The following PHF24 variants were observed in gnomAD, a reference collection of about 807,000 sequenced individuals.
PHF24 encodes Galpha inhibitory interacting protein.
PHF24 carries 25 observed loss-of-function variants against 42.6 expected under a neutral mutation model. That is an observed-to-expected ratio of 0.59 (90% CI 0.43 to 0.82). The LOEUF (loss-of-function observed/expected upper bound fraction) is 0.82. PHF24 is among the 40% of genes least tolerant of loss of function. PHF24 has a pLI of 0.00. For missense variants in PHF24, 470 were observed against 538.1 expected (o/e 0.87, Z 1.25); for synonymous variants, 185 against 204.8 (o/e 0.90, Z 0.83).
the PHF24 span, among the ~76,000 whole-genome samples, chr9:34,738,579 C>G: frequency 6.6e-6 from 1 of 152,044 alleles, no homozygotes; most frequent in African/African-American, 2.4e-5. Context: ...ATCTCCTGAC[C>G]TCATGATCCG....
the PHF24 span, among the ~76,000 whole-genome samples, chr9:34,667,034 G>C: frequency 1.3e-5 from 2 of 152,184 alleles, no homozygotes; most frequent in African/African-American, 4.8e-5. Context: ...GATCAAAAGA[G>C]AATAGTGAGA....
chr9:34,687,234 G>A, the PHF24 span, among the ~76,000 whole-genome samples: 6 of 152,238 alleles, frequency 3.9e-5, no homozygotes, highest in Admixed American at 3.9e-4. Flanking sequence ...CACTTCACTA[G>A]CTCCTAGATT....
At chr9:34,847,658 A>G in the PHF24 span, among the ~76,000 whole-genome samples, 5 of 151,764 alleles carry the variant, frequency 3.3e-5, no homozygotes, top group Non-Finnish European at 5.9e-5. Context: ...GTGGTGAGAG[A>G]GGGCATCCCT....
the PHF24 span, among the ~76,000 whole-genome samples, chr9:34,855,690 T>C: frequency 6.6e-6 from 1 of 152,198 alleles, no homozygotes; most frequent in East Asian, 1.9e-4. Context: ...GGCCTTTCCT[T>C]CTGGCTGCTC....
chr9:34,809,316 TA>T, the PHF24 span, among the ~76,000 whole-genome samples: 2 of 152,242 alleles, frequency 1.3e-5, no homozygotes, highest in Non-Finnish European at 2.9e-5. The surrounding 1 kb of genome is among the most constrained non-coding windows in gnomAD (Gnocchi z 4.1). Flanking sequence ...GTTATTTCTT[TA>T]TAATTAGCTA....
the PHF24 span, among the ~76,000 whole-genome samples, chr9:34,862,468 T>C: frequency 6.6e-6 from 1 of 151,974 alleles, no homozygotes; most frequent in Non-Finnish European, 1.5e-5. Context: ...CACGGTAAGA[T>C]AGGGCACCAG....
At chr9:34,879,689 A>G in the PHF24 span, among the ~76,000 whole-genome samples, 1 of 152,238 alleles carries the variant, frequency 6.6e-6, no homozygotes, top group East Asian at 1.9e-4. Flanking sequence ...TCCAAGAAAT[A>G]TGGGACTATG....
chr9:34,851,248 C>A, the PHF24 span, among the ~76,000 whole-genome samples: 4 of 152,196 alleles, frequency 2.6e-5, no homozygotes, highest in Non-Finnish European at 2.9e-5. Flanking sequence ...CTGTGGTGGG[C>A]TCCACCCAGT....
the PHF24 span, among the ~76,000 whole-genome samples, chr9:34,757,204 C>T: frequency 6.6e-6 from 1 of 151,970 alleles, no homozygotes; most frequent in Non-Finnish European, 1.5e-5. Flanking sequence ...CACCCTGCCC[C>T]TCAGTGTTTT....
At chr9:34,670,698 G>C in the PHF24 span, among the ~76,000 whole-genome samples, 2 of 152,178 alleles carry the variant, frequency 1.3e-5, no homozygotes, top group African/African-American at 2.4e-5. Flanking sequence ...TGAGCCATCA[G>C]TCTCAAGGCT....
At chr9:34,678,581 C>T in the PHF24 span, among the ~76,000 whole-genome samples, 9 of 152,114 alleles carry the variant, frequency 5.9e-5, no homozygotes, top group East Asian at 1.9e-4. Context: ...GTGATCCGCC[C>T]GCCTAGGCAT....
At chr9:34,920,100 G>A in the PHF24 span, among the ~76,000 whole-genome samples, 4 of 152,238 alleles carry the variant, frequency 2.6e-5, no homozygotes, top group South Asian at 4.1e-4. Flanking sequence ...TCATATGGTA[G>A]CTCTATTTTT....
At chr9:34,789,502 G>T in the PHF24 span, among the ~76,000 whole-genome samples, 1 of 152,140 alleles carries the variant, frequency 6.6e-6, no homozygotes, top group Admixed American at 6.5e-5. Flanking sequence ...GCCCATCTTG[G>T]CTGGGCTTTG....
chr9:34,784,139 T>G, the PHF24 span, among the ~76,000 whole-genome samples: 2 of 152,214 alleles, frequency 1.3e-5, no homozygotes, highest in Admixed American at 1.3e-4. Flanking sequence ...ATATAAGATA[T>G]TCTCTAAGGA....
upstream of PHF24, among the ~76,000 whole-genome samples, chr9:34,955,719 C>T (rs575597405): frequency 6.6e-6 from 1 of 152,328 alleles, no homozygotes; most frequent in Admixed American, 6.5e-5. Context: ...AACCCTTTCA[C>T]CTTGTCAGAG....
the PHF24 span, among the ~76,000 whole-genome samples, chr9:34,869,124 T>G: frequency 6.6e-6 from 1 of 152,262 alleles, no homozygotes; most frequent in South Asian, 2.1e-4. Context: ...ATGGTATGTA[T>G]GTGCACAATT....
intron 7 of PHF24, 105 bp downstream of exon 7, chr9:34,977,746 C>T: frequency 9.8e-7 from 1 of 1,025,634 alleles, no homozygotes. Context: ...AGCAAGCGCC[C>T]ACCCAAGAAA....
chr9:34,832,125 A>G, the PHF24 span, among the ~76,000 whole-genome samples: 7 of 152,238 alleles, frequency 4.6e-5, no homozygotes, highest in South Asian at 2.1e-4. Flanking sequence ...TTGCTGAAAC[A>G]TATAGAGTGC....
chr9:34,971,628 G>C, exon 2 of PHF24: 1 of 1,613,870 alleles, frequency 6.2e-7, no homozygotes, highest in East Asian at 2.2e-5. Context: ...CCACCCGGAA[G>C]CTGGATGATG....
Sources: gnomAD v4.1 joint callset for allele counts (sites outside exome capture counted in the v4.1 genomes callset) on GRCh38, gnomAD v4.1.1 for gene constraint, Gnocchi (gnomAD v3.1) non-coding constraint, MANE v1.5 for transcripts, NCBI Gene and HGNC (gene_info 2026-07-23, HGNC 2026-07-21) for gene names.